Variants in USH2A observed in about 807,000 individuals in gnomAD.
USH2A encodes the protein usherin, also known as Usher syndrome 2A (autosomal recessive, mild).
A neutral mutation model predicts 538.9 loss-of-function variants in USH2A; 443 were observed. That is an observed-to-expected ratio of 0.82 (90% CI 0.76 to 0.89). The LOEUF (loss-of-function observed/expected upper bound fraction) is 0.89. Among genes scored for constraint, USH2A ranks in the 40% least tolerant of loss-of-function variants. The pLI is 0.00. For synonymous variants in USH2A, 2,413 were observed against 2,273.5 expected, an observed-to-expected ratio of 1.06 and a Z score of -1.75; for missense variants, 6,633 against 6,324.8, an observed-to-expected ratio of 1.05 and a Z score of -1.65.
intron 19 of USH2A, among the ~76,000 whole-genome samples, chr1:216,194,796 G>C (rs1558309372): frequency 6.6e-6 from 1 of 152,128 alleles, no homozygotes; most frequent in Non-Finnish European, 1.5e-5. Context: ...ATACTGTTCT[G>C]AGAAATTTAC....
At chr1:216,132,446 T>C (rs2033395392) in intron 21 of USH2A, among the ~76,000 whole-genome samples, 1 of 152,060 alleles carries the variant, frequency 6.6e-6, no homozygotes, top group African/African-American at 2.4e-5. Context: ...TCTTTGTTGT[T>C]TGGGGAGATG....
In USH2A at chr1:215,677,244, G is replaced by A. The variant is rs191205560; in HGVS notation, c.12295-1628C>T. 3.3e-3 allele frequency among the ~76,000 whole-genome samples: 497 copies of A among 152,124 alleles called. 4 individuals are homozygous for A. Among genetic ancestry groups the A allele is most frequent in the African/African-American group, 0.011 (469 of 41,498 alleles). ...TGTACCTACTGAAGGCCACCTAAGC[G>A]CTGTATCCCATCCCTTCCTCCTTCC... On this transcript the variant is annotated intron_variant, in intron 62 of 71. Coordinates refer to ENST00000307340, the MANE Select transcript of USH2A (RefSeq NM_206933.4).
chr1:215,845,842 C>T lies in USH2A; in HGVS notation c.9037G>A (p.Ala3013Thr), dbSNP rs149813671. The T allele has an allele frequency of 3.5e-5, 56 of 1,613,666 alleles. No individual in the cohort carries two copies. The African/African-American group carries it at 6.5e-4, about 19-fold the overall frequency. ...GACTCACCCCCATCGCAAGTGGTTGCATGAAGTCCTGCACTGTTGATGCTG... is the reference window on the plus strand; with the variant it reads ...GACTCACCCCCATCGCAAGTGGTTGTATGAAGTCCTGCACTGTTGATGCTG... ...VHSINSAGLHATTCDGEPQGM... is the reference protein window; with the variant it reads ...VHSINSAGLHTTTCDGEPQGM... Residue 3013 changes from alanine to threonine, a missense_variant, in exon 45 of 72, where the codon GCA becomes ACA. By Grantham distance (58) the Ala-to-Thr change is moderately conservative. Transcript: ENST00000307340.
At chr1:215,731,858 A>G (rs952049730) in intron 60 of USH2A, among the ~76,000 whole-genome samples, 2 of 152,222 alleles carry the variant, frequency 1.3e-5, no homozygotes, top group African/African-American at 4.8e-5. Flanking sequence ...ATAGATAATC[A>G]GAAACATCTG....
chr1:215,802,025 C>A (rs1451665240), intron 49 of USH2A, among the ~76,000 whole-genome samples: 1 of 147,550 alleles, frequency 6.8e-6, no homozygotes. Flanking sequence ...AGGAAAGGAC[C>A]TTTTTTTTTT....
intron 38 of USH2A, among the ~76,000 whole-genome samples, chr1:215,929,574 C>A (rs529588110): frequency 1.3e-5 from 2 of 151,920 alleles, no homozygotes; most frequent in African/African-American, 4.8e-5. Flanking sequence ...TTCTATAGGG[C>A]ATTTTCCAGG....
chr1:215,640,796 A>C, intron 67 of USH2A, 62 bp from the exon 68 acceptor site: 2 of 1,536,850 alleles, frequency 1.3e-6, no homozygotes, highest in South Asian at 1.1e-5. Context: ...GCAGGTGTGC[A>C]CTTTAAAAAA....
At chr1:216,317,368 A>G (rs866940597) in intron 9 of USH2A, among the ~76,000 whole-genome samples, 1 of 152,138 alleles carries the variant, frequency 6.6e-6, no homozygotes, top group Admixed American at 6.6e-5. Context: ...CATGTCGGGG[A>G]ACAACACACA....
At chr1:216,243,313 TA>T (rs1464694330) in intron 13 of USH2A, among the ~76,000 whole-genome samples, 1 of 152,150 alleles carries the variant, frequency 6.6e-6, no homozygotes, top group Non-Finnish European at 1.5e-5. Context: ...GATCTATCAA[TA>T]AAAGTACAAA....
chr1:216,199,857 G>A lies in USH2A; in HGVS notation c.3581C>T (p.Pro1194Leu), dbSNP rs145114751. ...TTCATGACCTTCGTAGGAAACACAT[G>A]GCTGACCACCAGCCAAAGGGGCACA... ...LSCAPLAGGQ[P>L]CVSYEGHETS... The change falls in exon 17 of 72, where the codon CCA (proline) becomes CTA (leucine). Residue 1194 changes from proline to leucine, a missense_variant. Pro to Leu is a moderately conservative substitution (Grantham distance 98, BLOSUM62 -3). Transcript: ENST00000307340. The A allele has an allele frequency of 8.5e-5, 138 of 1,614,114 alleles. No homozygotes were observed. The African/African-American group carries it at 1.5e-3, about 17-fold the overall frequency.
chr1:216,320,712 G>A (rs2037589333), intron 9 of USH2A, among the ~76,000 whole-genome samples: 1 of 152,076 alleles, frequency 6.6e-6, no homozygotes. Context: ...GTTTATTAAA[G>A]TTACAATTTG....
At chr1:216,100,897 A>G (rs2032561438) in intron 21 of USH2A, among the ~76,000 whole-genome samples, 1 of 152,220 alleles carries the variant, frequency 6.6e-6, no homozygotes, top group South Asian at 2.1e-4. Flanking sequence ...TTATGCTTAT[A>G]TGAGAAAATG....
chr1:216,298,632 T>G (rs1482385896), intron 9 of USH2A, among the ~76,000 whole-genome samples: 1 of 152,210 alleles, frequency 6.6e-6, no homozygotes, highest in African/African-American at 2.4e-5. Context: ...CCTGTTCTGT[T>G]TTCCTGAAGA....
intron 64 of USH2A, among the ~76,000 whole-genome samples, chr1:215,658,543 C>G (rs1657337553): frequency 6.6e-6 from 1 of 152,158 alleles, no homozygotes; most frequent in Non-Finnish European, 1.5e-5. Flanking sequence ...AGCCCAAACT[C>G]TTTACATCTT....
intron 11 of USH2A, among the ~76,000 whole-genome samples, chr1:216,261,267 AC>A (rs1196508297): frequency 1.3e-5 from 2 of 151,952 alleles, no homozygotes; most frequent in Non-Finnish European, 2.9e-5. Flanking sequence ...AAATATAGAA[AC>A]AAAAAAAAGC....
intron 61 of USH2A, among the ~76,000 whole-genome samples, chr1:215,694,400 C>T (rs1029914634): frequency 1.8e-4 from 27 of 152,126 alleles, no homozygotes; most frequent in Non-Finnish European, 1.6e-4. Context: ...TGTGAAACCC[C>T]GTTTCTACTA....
Position 215,728,142 on chromosome 1 carries a change from C to T in USH2A, c.11954G>A (p.Trp3985Ter), listed in dbSNP as rs397517976. The T allele has an allele frequency of 1.2e-6, 2 of 1,614,028 alleles. No homozygotes were observed. The highest frequency in any genetic ancestry group is 2.7e-5 in the African/African-American group (2 of 74,892). ...ATSAHSVLLN[W>*]TKPESPNGII... ...GCCATTGGGAGATTCTGGCTTTGTC[C>T]AATTCAACAGAACTGAATGAGCACT... The change falls in exon 61 of 72, where the codon TGG (tryptophan) becomes TAG (stop). Residue 3985 changes from tryptophan to a stop codon, truncating the protein, a stop_gained. Transcript: ENST00000307340. LOFTEE classifies it high-confidence loss of function.
At chr1:216,406,297 A>G (rs141443148) in intron 3 of USH2A, among the ~76,000 whole-genome samples, 16 of 152,352 alleles carry the variant, frequency 1.1e-4, no homozygotes, top group African/African-American at 3.6e-4. Flanking sequence ...TAAAGGGTAC[A>G]TGGGACTTCT....
intron 13 of USH2A, among the ~76,000 whole-genome samples, chr1:216,237,750 T>C (rs1229786652): frequency 2.0e-5 from 3 of 152,216 alleles, no homozygotes; most frequent in Admixed American, 6.5e-5. Flanking sequence ...TTATCTATTA[T>C]CATCTTTGTA....
Sources: allele counts gnomAD v4.1 joint callset (sites outside exome capture counted in the v4.1 genomes callset), GRCh38; gene constraint gnomAD v4.1.1; transcripts MANE v1.5; gene names NCBI Gene and HGNC (gene_info 2026-07-23, HGNC 2026-07-21).